Variants in TMEM132B observed in about 807,000 individuals in gnomAD.
The protein encoded by TMEM132B is transmembrane protein 132B.
A neutral mutation model predicts 90.8 loss-of-function variants in TMEM132B; 18 were observed. The observed-to-expected ratio is 0.20, with a 90% CI of 0.14 to 0.29. The LOEUF is 0.29. Ranked by LOEUF, TMEM132B falls within the 10% of genes least tolerant of loss-of-function variation. TMEM132B has a pLI of 1.00. For missense variants in TMEM132B, 1,096 were observed against 1,326.8 expected, an observed-to-expected ratio of 0.83 and a Z score of 2.70; for synonymous variants, 504 against 523.3, an observed-to-expected ratio of 0.96 and a Z score of 0.50.
At chr12:125,440,151 C>T (rs1231212904) in intron 3 of TMEM132B, among the ~76,000 whole-genome samples, 1 of 151,988 alleles carries the variant, frequency 6.6e-6, no homozygotes, top group Non-Finnish European at 1.5e-5. Context: ...TGTGTCTCCT[C>T]CAGGTTTTAG....
chr12:125,369,059 C>T (rs1469344832), intron 2 of TMEM132B, among the ~76,000 whole-genome samples: 2 of 149,400 alleles, frequency 1.3e-5, no homozygotes, highest in Non-Finnish European at 3.0e-5. Flanking sequence ...GTGTGATGTT[C>T]CCCACCCTGT....
chr12:125,642,960 C>T (rs867614305), intron 5 of TMEM132B, among the ~76,000 whole-genome samples: 9 of 151,892 alleles, frequency 5.9e-5, no homozygotes, highest in African/African-American at 1.5e-4. Context: ...GGGTGGGTGG[C>T]GAGGTGGTAA....
At chr12:125,542,853 A>G (rs2136733578) in intron 4 of TMEM132B, among the ~76,000 whole-genome samples, 1 of 152,160 alleles carries the variant, frequency 6.6e-6, no homozygotes, top group East Asian at 1.9e-4. Flanking sequence ...TATATTGGAG[A>G]GCAGGCTTTT....
chr12:125,539,459 A>G (rs902263610), intron 4 of TMEM132B, among the ~76,000 whole-genome samples: 5 of 152,148 alleles, frequency 3.3e-5, no homozygotes, highest in Admixed American at 2.0e-4. Flanking sequence ...ACCCGTTGTG[A>G]CACCCATCTG....
intron 3 of TMEM132B, among the ~76,000 whole-genome samples, chr12:125,433,851 A>T (rs1593145076): frequency 6.6e-6 from 1 of 152,072 alleles, no homozygotes. Flanking sequence ...AAAGTTCGCA[A>T]TGTAATGCCA....
At chr12:125,318,302 A>C (rs1593082388) in intron 1 of TMEM132B, among the ~76,000 whole-genome samples, 1 of 144,790 alleles carries the variant, frequency 6.9e-6, no homozygotes. Context: ...GTTTGCAGTG[A>C]CCTGTTTCTT....
chr12:125,289,953 G>A (rs2136145022), intron 1 of TMEM132B, among the ~76,000 whole-genome samples: 1 of 152,250 alleles, frequency 6.6e-6, no homozygotes, highest in East Asian at 1.9e-4. Flanking sequence ...GACATATCTG[G>A]GCGCTCTTCA....
In TMEM132B at chr12:125,458,739, T is replaced by C. The variant is rs1918246; in HGVS notation, c.1106+43062T>C. Among the ~76,000 whole-genome samples the C allele has an allele frequency of 0.56, 84,550 of 152,086 alleles. 24,742 individuals are homozygous for C. Among genetic ancestry groups the C allele is most frequent in the African/African-American group, 0.75 (31,115 of 41,484 alleles). On this transcript the variant is annotated intron_variant, in intron 3 of 8. Transcript: ENST00000682704. The surrounding 1 kb of genome is among the most constrained non-coding windows in gnomAD (Gnocchi z 4.9). ...CCTGCACTGCTGTCACACTGGGTGG[T>C]GTTGTCAGGGTGACTCACGTGGACA...
chr12:125,389,968 A>G (rs1053356119), intron 2 of TMEM132B, among the ~76,000 whole-genome samples: 1 of 152,228 alleles, frequency 6.6e-6, no homozygotes, highest in Non-Finnish European at 1.5e-5. Context: ...AAAATGAACA[A>G]ACCTGTGTAA....
rs551038004 is a variant in TMEM132B, at chr12:125,365,989, G to T, written c.959+15646G>T. Among the ~76,000 whole-genome samples the T allele has an allele frequency of 1.3e-3, 199 of 151,612 alleles. 1 individual carries two copies. Among genetic ancestry groups the T allele is most frequent in the African/African-American group, 4.6e-3 (191 of 41,324 alleles). ...TTCCATCTACTGTATTTTTGTATCC[G>T]TTAATCAACTTCTCATCCCTCTCCT... On this transcript the variant is annotated intron_variant, in intron 2 of 8. Transcript: ENST00000682704.
At chr12:125,636,926 A>G (rs978585858) in intron 5 of TMEM132B, among the ~76,000 whole-genome samples, 1 of 152,162 alleles carries the variant, frequency 6.6e-6, no homozygotes, top group Non-Finnish European at 1.5e-5. Flanking sequence ...AATAGTCCAC[A>G]TTTGTTCTGT....
intron 3 of TMEM132B, among the ~76,000 whole-genome samples, chr12:125,488,530 G>A (rs1251338172): frequency 1.3e-5 from 2 of 152,078 alleles, no homozygotes; most frequent in African/African-American, 4.8e-5. Context: ...GAGATCTGAT[G>A]GTTTTAAAAA....
chr12:125,563,918 T>C (rs534632444), intron 4 of TMEM132B, among the ~76,000 whole-genome samples: 1 of 152,256 alleles, frequency 6.6e-6, no homozygotes, highest in Non-Finnish European at 1.5e-5. Flanking sequence ...CCTGGAGCCG[T>C]TGGAGGAAGT....
At chr12:125,504,773 A>C (rs764715538) in intron 3 of TMEM132B, among the ~76,000 whole-genome samples, 4 of 152,116 alleles carry the variant, frequency 2.6e-5, no homozygotes, top group Non-Finnish European at 5.9e-5. Context: ...TGACTTAGAC[A>C]CTGATGGAAG....
intron 4 of TMEM132B, among the ~76,000 whole-genome samples, chr12:125,555,963 C>G (rs1334725102): frequency 6.6e-6 from 1 of 152,204 alleles, no homozygotes; most frequent in East Asian, 1.9e-4. Context: ...ACAAAAATAA[C>G]AGCAACCTGC....
intron 3 of TMEM132B, among the ~76,000 whole-genome samples, chr12:125,477,787 T>A (rs1446745681): frequency 6.6e-6 from 1 of 152,186 alleles, no homozygotes; most frequent in Non-Finnish European, 1.5e-5. Context: ...GACTGCCCCC[T>A]CAAGTGGGTC....
At chr12:125,329,111 C>G (rs910307617) in intron 1 of TMEM132B, among the ~76,000 whole-genome samples, 2 of 152,048 alleles carry the variant, frequency 1.3e-5, no homozygotes, top group Non-Finnish European at 2.9e-5. Context: ...GGTGAGGTTG[C>G]GAGGGTGGGG....
At chr12:125,571,963 A>G (rs1363101920) in intron 4 of TMEM132B, among the ~76,000 whole-genome samples, 3 of 152,252 alleles carry the variant, frequency 2.0e-5, no homozygotes, top group Non-Finnish European at 4.4e-5. Context: ...GATTCAATTC[A>G]GGATCACACA....
chr12:125,590,242 G>C (rs1490222212), intron 5 of TMEM132B, among the ~76,000 whole-genome samples: 4 of 152,090 alleles, frequency 2.6e-5, no homozygotes, highest in Non-Finnish European at 5.9e-5. Context: ...ATGCAAGAAT[G>C]GCCTAACACA....
Sources: gnomAD v4.1 joint callset for allele counts (sites outside exome capture counted in the v4.1 genomes callset) on GRCh38, gnomAD v4.1.1 for gene constraint, Gnocchi (gnomAD v3.1) non-coding constraint, MANE v1.5 for transcripts, NCBI Gene and HGNC (gene_info 2026-07-23, HGNC 2026-07-21) for gene names.